The following GNPAT variants were observed in gnomAD, a reference collection of about 807,000 sequenced individuals.
GNPAT encodes the protein glyceronephosphate O-acyltransferase.
In GNPAT, 30 loss-of-function variants were observed where a neutral mutation model predicts 78.4. The observed-to-expected ratio is 0.38, with a 90% CI of 0.29 to 0.52. The LOEUF (loss-of-function observed/expected upper bound fraction) is 0.52, where lower values mean the gene tolerates loss of function less well. GNPAT is among the 20% of genes least tolerant of loss of function. GNPAT has a pLI of 0.84. For synonymous variants in GNPAT, 271 were observed against 281.1 expected (o/e 0.96, Z 0.36); for missense variants, 714 against 812.2 (o/e 0.88, Z 1.47).
chr1:231,274,162 C>A (rs1685646556), intron 12 of GNPAT, 100 bp downstream of exon 12: 5 of 1,038,364 alleles, frequency 4.8e-6, no homozygotes, highest in Non-Finnish European at 7.5e-6. Flanking sequence ...CAGGTATCTT[C>A]CCCAGGCAAA....
At chr1:231,243,374 A>C (rs1684667028) in intron 1 of GNPAT, among the ~76,000 whole-genome samples, 1 of 152,142 alleles carries the variant, frequency 6.6e-6, no homozygotes, top group Non-Finnish European at 1.5e-5. Flanking sequence ...GCCAGGCTGG[A>C]GAACAGTGGC....
intron 3 of GNPAT, among the ~76,000 whole-genome samples, chr1:231,262,379 T>C (rs913669474): frequency 2.0e-5 from 3 of 152,238 alleles, no homozygotes; most frequent in Non-Finnish European, 2.9e-5. Context: ...AAGCTAAGGC[T>C]TAGACCTTGT....
intron 11 of GNPAT, among the ~76,000 whole-genome samples, chr1:231,273,307 A>C (rs1357459094): frequency 7.1e-6 from 1 of 141,594 alleles, no homozygotes; most frequent in Non-Finnish European, 1.5e-5. Flanking sequence ...GCTAGAGTGC[A>C]GTGGCGCAAT....
At chr1:231,250,707 C>A (rs1684870245) in intron 1 of GNPAT, among the ~76,000 whole-genome samples, 1 of 152,064 alleles carries the variant, frequency 6.6e-6, no homozygotes, top group South Asian at 2.1e-4. Flanking sequence ...CATTAAATTT[C>A]CCAAAGAGAT....
At chr1:231,247,455 G>A (rs1684780805) in intron 1 of GNPAT, among the ~76,000 whole-genome samples, 3 of 152,130 alleles carry the variant, frequency 2.0e-5, no homozygotes, top group Non-Finnish European at 4.4e-5. Flanking sequence ...CGATTATTGA[G>A]GGTTCAGTGA....
At chr1:231,243,472 C>T (rs1013107009) in intron 1 of GNPAT, among the ~76,000 whole-genome samples, 1 of 151,884 alleles carries the variant, frequency 6.6e-6, no homozygotes, top group Non-Finnish European at 1.5e-5. Context: ...TTTAGGCACA[C>T]GCCACCCCGC....
chr1:231,246,671 T>C (rs1473184583), intron 1 of GNPAT, among the ~76,000 whole-genome samples: 1 of 152,146 alleles, frequency 6.6e-6, no homozygotes, highest in Non-Finnish European at 1.5e-5. Context: ...TTCTCAAGCA[T>C]GGTATAGGGA....
intron 9 of GNPAT, among the ~76,000 whole-genome samples, chr1:231,268,163 C>T (rs749224201): frequency 3.3e-5 from 5 of 152,178 alleles, no homozygotes; most frequent in Admixed American, 2.6e-4. Flanking sequence ...ATTAACCAGG[C>T]GTGGTGGTAG....
chr1:231,268,419 ACT>A lies in GNPAT; in HGVS notation c.1279+519_1279+520del, dbSNP rs548793260. Among the ~76,000 whole-genome samples the A allele has an allele frequency of 1.3e-3, 200 of 152,110 alleles. 2 individuals are homozygous for A. Among genetic ancestry groups the A allele is most frequent in the East Asian group, 1.9e-3 (10 of 5,180 alleles). ...TTTACATGTCATTTCCCACTACGAG[ACT>A]CTGAATATCTTGAGGACTAGAATAC... On this transcript the variant is annotated intron_variant, in intron 9 of 15. Coordinates refer to ENST00000366647, the MANE Select transcript of GNPAT (RefSeq NM_014236.4).
In GNPAT at chr1:231,251,389, A is replaced by G. The variant is rs561515489; in HGVS notation, c.261+246A>G. On this transcript the variant is annotated intron_variant, in intron 2 of 15. Transcript: ENST00000366647. ...GCATAAGTGAAATATGATACGAGAC[A>G]TGCTAGTGGGAGCCCAGTGTGCAGG... 6.6e-5 allele frequency among the ~76,000 whole-genome samples: 10 copies of G among 152,284 alleles called. No homozygotes were observed. The South Asian group carries it at 1.9e-3, about 28-fold the overall frequency.
chr1:231,242,213 T>G (rs2102792623), intron 1 of GNPAT, among the ~76,000 whole-genome samples: 1 of 152,302 alleles, frequency 6.6e-6, no homozygotes, highest in South Asian at 2.1e-4. Context: ...GCAACTGGTT[T>G]GGTTTTTGTT....
In GNPAT at chr1:231,270,894, C is replaced by T. The variant is rs142463235; in HGVS notation, c.1416C>T (p.His472=). 9.9e-6 allele frequency: 16 copies of T among 1,614,094 alleles called. 1 individual carries two copies. In the African/African-American group the frequency reaches 2.0e-4, roughly 20 times the overall value. ...SEVVDGLMLQ[H]ITLLMCSAYR... The stretch of plus-strand genomic sequence containing the variant: ...TGGTCGATGGGCTTATGCTCCAGCA[C>T]ATCACTCTCCTCATGTGCTCAGCTT... The change falls in exon 10 of 16, where the codon CAC becomes CAT. Residue 472 remains histidine (H), a synonymous_variant. Coordinates refer to ENST00000366647, the MANE Select transcript of GNPAT (RefSeq NM_014236.4).
intron 1 of GNPAT, among the ~76,000 whole-genome samples, chr1:231,243,864 A>G (rs1254770204): frequency 6.6e-6 from 1 of 151,218 alleles, no homozygotes; most frequent in African/African-American, 2.4e-5. Flanking sequence ...TCTTACATCT[A>G]TGTGTGTGTG....
intron 1 of GNPAT, among the ~76,000 whole-genome samples, chr1:231,246,001 A>G (rs565786575): frequency 4.8e-4 from 73 of 152,314 alleles, no homozygotes; most frequent in African/African-American, 1.7e-3. Context: ...AATTATGTAA[A>G]TTTACGATTA....
chr1:231,250,842 G>T, intron 1 of GNPAT, 119 bp from the exon 2 acceptor site: 1 of 712,150 alleles, frequency 1.4e-6, no homozygotes. Context: ...AGAACACTCT[G>T]CTCCTGTTCA....
rs569550123 is a variant in GNPAT, at chr1:231,267,813, C to T, written c.1189C>T (p.Arg397Trp). ...AATAGTTGCTGTTCTGCTTCAGAAC[C>T]GGCCATCCATGGACTTTGATGCTCT... Reference protein sequence around the residue: ...TLIVAVLLQNRPSMDFDALVE... With the variant: ...TLIVAVLLQNWPSMDFDALVE... Residue 397 changes from arginine to tryptophan, a missense_variant, in exon 9 of 16, where the codon CGG (arginine) becomes TGG (tryptophan). Arg to Trp is a moderately radical substitution (Grantham distance 101). Transcript: ENST00000366647. The T allele has an allele frequency of 2.4e-5, 38 of 1,613,154 alleles. No individual in the cohort carries two copies. In the South Asian group the frequency reaches 3.4e-4, roughly 14 times the overall value.
intron 1 of GNPAT, among the ~76,000 whole-genome samples, chr1:231,247,557 T>C (rs1558324113): frequency 6.6e-6 from 1 of 152,326 alleles, no homozygotes; most frequent in East Asian, 1.9e-4. Flanking sequence ...CTCTGGTTGA[T>C]GGCTAAATAT....
At position 231,266,290 on chromosome 1, in the gene GNPAT, C is replaced by G. The variant is rs1450731178; in HGVS notation, c.938C>G (p.Ala313Gly). The G allele has an allele frequency of 1.9e-6, 3 of 1,613,920 alleles. No homozygotes were observed. Among genetic ancestry groups the G allele is most frequent in the Non-Finnish European group, 2.5e-6 (3 of 1,179,966 alleles). The change falls in exon 8 of 16, where the codon GCC becomes GGC. Residue 313 changes from alanine (A) to glycine (G), a missense_variant. Transcript: ENST00000366647. ...TGGTACTATTAGGGGTTGCTGAAAG[C>G]CAGAAAGATTCTCTCTGAAAATTTT... ...PKESTTGLLKARKILSENFGS... is the reference protein window; with the variant it reads ...PKESTTGLLKGRKILSENFGS...
At chr1:231,248,181 G>A (rs1387762029) in intron 1 of GNPAT, among the ~76,000 whole-genome samples, 1 of 152,128 alleles carries the variant, frequency 6.6e-6, no homozygotes, top group African/African-American at 2.4e-5. Flanking sequence ...TGTTGACCTA[G>A]CTGATAACAT....
Sources: allele counts gnomAD v4.1 joint callset (sites outside exome capture counted in the v4.1 genomes callset), GRCh38; gene constraint gnomAD v4.1.1; transcripts MANE v1.5; gene names NCBI Gene and HGNC (gene_info 2026-07-23, HGNC 2026-07-21).